The following CTDSPL2 variants were observed in gnomAD, a reference collection of about 807,000 sequenced individuals.
The protein encoded by CTDSPL2 is CTD small phosphatase-like protein 2.
CTDSPL2 carries 5 observed loss-of-function variants against 60.0 expected under a neutral mutation model. The ratio of observed to expected loss-of-function variants is 0.08; its 90% CI spans 0.04 to 0.18. The LOEUF (loss-of-function observed/expected upper bound fraction) is 0.18. Among genes scored for constraint, CTDSPL2 ranks in the 10% least tolerant of loss-of-function variants. The pLI, the probability that CTDSPL2 is intolerant of heterozygous loss-of-function variation, is 1.00. For synonymous variants in CTDSPL2, 186 were observed against 189.3 expected (o/e 0.98, Z 0.14); for missense variants, 370 against 548.8 (o/e 0.67, Z 3.26).
intron 2 of CTDSPL2, among the ~76,000 whole-genome samples, chr15:44,480,189 C>T (rs1021133790): frequency 1.3e-5 from 2 of 152,090 alleles, no homozygotes; most frequent in Non-Finnish European, 2.9e-5. Context: ...CCATAGACCC[C>T]CTATGCTATT....
intron 1 of CTDSPL2, among the ~76,000 whole-genome samples, chr15:44,453,641 G>T (rs542512254): frequency 1.1e-4 from 15 of 137,776 alleles, no homozygotes; most frequent in Admixed American, 4.3e-4. Context: ...TGTTCTCATT[G>T]TTCAGTTCCC....
At chr15:44,464,213 C>T (rs933512393) in intron 2 of CTDSPL2, among the ~76,000 whole-genome samples, 7 of 152,146 alleles carry the variant, frequency 4.6e-5, no homozygotes, top group African/African-American at 1.7e-4. Flanking sequence ...TACTATTTGC[C>T]AAGCACTGTC....
rs1034774752 is a variant in CTDSPL2 at position 44,499,651 on chromosome 15, G to A, written c.883-76G>A. 3 of 814,804 alleles carry A rather than the reference G, an allele frequency of 3.7e-6. No homozygotes were observed. The South Asian group carries it at 4.8e-5, about 13-fold the overall frequency. 50.5% of individuals were successfully genotyped at this position (814,804 alleles called of 1,614,324 possible). A position where few individuals can be genotyped will look rare whatever the true frequency, so the allele number is the denominator to read the frequency against. On this transcript the variant is annotated intron_variant, in intron 7 of 12. Transcript: ENST00000260327. ...TATGAATGGGTGCTTTAGTGTTTTG[G>A]TGATTAAGGATAAAAGTATCCTTTG...
Position 44,490,961 on chromosome 15 carries a change from C to T in CTDSPL2, c.653C>T (p.Ala218Val), listed in dbSNP as rs761715308. The T allele has an allele frequency of 1.9e-6, 3 of 1,614,058 alleles. No homozygotes were observed. Among genetic ancestry groups the T allele is most frequent in the East Asian group, 2.2e-5 (1 of 44,858 alleles). ...TCACTAAACAATGGTTTAGAAGAAG[C>T]AGAAGAAACAGTTAATCGTGATATC... The part of the protein sequence containing the change: ...RPSLNNGLEE[A>V]EETVNRDIPP... Residue 218 changes from alanine to valine, a missense_variant, in exon 5 of 13, where the codon GCA becomes GTA. Ala to Val is a moderately conservative substitution (Grantham distance 64, BLOSUM62 0). Coordinates refer to ENST00000260327, the MANE Select transcript of CTDSPL2 (RefSeq NM_016396.3).
intron 2 of CTDSPL2, among the ~76,000 whole-genome samples, chr15:44,464,346 T>C (rs2080639794): frequency 6.6e-6 from 1 of 152,184 alleles, no homozygotes; most frequent in South Asian, 2.1e-4. Context: ...CAAAGTTACT[T>C]AGTTTTAAGT....
At chr15:44,443,188 A>C (rs560382097) in intron 1 of CTDSPL2, among the ~76,000 whole-genome samples, 1 of 152,266 alleles carries the variant, frequency 6.6e-6, no homozygotes, top group East Asian at 1.9e-4. Context: ...TCAAACGGAA[A>C]CTCTGTGTTC....
In CTDSPL2 at chr15:44,516,278, T is replaced by C. The variant is rs367643387; in HGVS notation, c.1112+1434T>C. Among the ~76,000 whole-genome samples, 13 of 152,274 alleles carry C rather than the reference T, an allele frequency of 8.5e-5. No homozygotes were observed. In the East Asian group the frequency reaches 1.7e-3, roughly 20 times the overall value. ...CCACTGCACCCAGCCCAGCTGAGTATAAATTTTCTTAAATACTTTTCCCAT... is the reference window on the plus strand; with the variant it reads ...CCACTGCACCCAGCCCAGCTGAGTACAAATTTTCTTAAATACTTTTCCCAT... On this transcript the variant is annotated intron_variant, in intron 10 of 12. Coordinates refer to ENST00000260327, the MANE Select transcript of CTDSPL2 (RefSeq NM_016396.3).
At chr15:44,502,362 G>A (rs564014758) in intron 8 of CTDSPL2, among the ~76,000 whole-genome samples, 1 of 151,700 alleles carries the variant, frequency 6.6e-6, no homozygotes, top group South Asian at 2.1e-4. Context: ...TGGTATATTT[G>A]TTATGGTTGA....
rs1311134349 is a variant in CTDSPL2 at position 44,475,752 on chromosome 15, T to C, written c.187-8472T>C. On this transcript the variant is annotated intron_variant, in intron 2 of 12. Transcript: ENST00000260327. ...ATATATTTAAAGTATTAAATTCCTT[T>C]TTAAAAAACTCATTCTCAAATGACA... Among the ~76,000 whole-genome samples the C allele has an allele frequency of 3.3e-5, 5 of 152,352 alleles. No individual in the cohort carries two copies. In the East Asian group the frequency reaches 9.6e-4, roughly 29 times the overall value.
chr15:44,471,943 G>A (rs918910407), intron 2 of CTDSPL2, among the ~76,000 whole-genome samples: 5 of 151,062 alleles, frequency 3.3e-5, no homozygotes, highest in Non-Finnish European at 7.4e-5. Context: ...GATCTCCTGG[G>A]GCTGTGTCCT....
At chr15:44,446,487 G>A (rs1327347847) in intron 1 of CTDSPL2, among the ~76,000 whole-genome samples, 1 of 151,966 alleles carries the variant, frequency 6.6e-6, no homozygotes, top group Admixed American at 6.6e-5. Flanking sequence ...ACAAGTAGCC[G>A]GGTGTGGTGG....
intron 10 of CTDSPL2, among the ~76,000 whole-genome samples, chr15:44,515,817 G>A (rs964115600): frequency 1.3e-5 from 2 of 152,048 alleles, no homozygotes; most frequent in Non-Finnish European, 2.9e-5. Flanking sequence ...AGGTTATGGT[G>A]AGCCGAGATC....
chr15:44,441,588 A>T (rs562618191), intron 1 of CTDSPL2, among the ~76,000 whole-genome samples: 1 of 152,146 alleles, frequency 6.6e-6, no homozygotes, highest in Admixed American at 6.5e-5. Context: ...GGTTTTATGG[A>T]ACCATTGTTT....
intron 2 of CTDSPL2, among the ~76,000 whole-genome samples, chr15:44,477,048 A>AC (rs1366947600): frequency 6.6e-6 from 1 of 152,154 alleles, no homozygotes; most frequent in East Asian, 1.9e-4. Flanking sequence ...ACATAGTAAG[A>AC]CCTCGTCTTT....
chr15:44,451,251 C>G (rs997797347), intron 1 of CTDSPL2, among the ~76,000 whole-genome samples: 1 of 151,984 alleles, frequency 6.6e-6, no homozygotes, highest in African/African-American at 2.4e-5. Context: ...GAGGTGTGCA[C>G]CACCATGCCC....
intron 2 of CTDSPL2, among the ~76,000 whole-genome samples, chr15:44,481,336 A>G (rs548830793): frequency 1.9e-4 from 29 of 152,302 alleles, no homozygotes; most frequent in African/African-American, 3.8e-4. Flanking sequence ...TGACCGCCTT[A>G]TAGTCTGTTC....
intron 1 of CTDSPL2, among the ~76,000 whole-genome samples, chr15:44,435,426 C>T (rs369706936): frequency 1.3e-5 from 2 of 151,666 alleles, no homozygotes; most frequent in Middle Eastern, 3.4e-3. Context: ...AAAAATTAGG[C>T]GGGCATGGTA....
intron 10 of CTDSPL2, among the ~76,000 whole-genome samples, chr15:44,518,146 T>A (rs2081691818): frequency 6.6e-6 from 1 of 152,198 alleles, no homozygotes; most frequent in Non-Finnish European, 1.5e-5. Flanking sequence ...TACCAGTTTC[T>A]TGAAATTGCA....
chr15:44,434,732 A>C (rs1040571058), intron 1 of CTDSPL2, among the ~76,000 whole-genome samples: 2 of 151,670 alleles, frequency 1.3e-5, no homozygotes, highest in Admixed American at 6.6e-5. Context: ...TATTTATTGA[A>C]GAAAACTTTA....
Sources: allele counts gnomAD v4.1 joint callset (sites outside exome capture counted in the v4.1 genomes callset), GRCh38; gene constraint gnomAD v4.1.1; transcripts MANE v1.5; gene names NCBI Gene and HGNC (gene_info 2026-07-23, HGNC 2026-07-21).